The following TMEM187 variants were observed in gnomAD, a reference collection of about 807,000 sequenced individuals.
TMEM187 encodes chromosome X open reading frame 12.
In TMEM187, 14 loss-of-function variants were observed where a neutral mutation model predicts 11.8. That is an observed-to-expected ratio of 1.18 (90% CI 0.78 to 1.85). The LOEUF (loss-of-function observed/expected upper bound fraction) is 1.85, where lower values mean the gene tolerates loss of function less well. Ranked by LOEUF, TMEM187 falls within the 40% of genes most tolerant of loss-of-function variation. The pLI is 0.00. For missense variants in TMEM187, 227 were observed against 243.9 expected, an observed-to-expected ratio of 0.93 and a Z score of 0.46; for synonymous variants, 112 against 118.5, an observed-to-expected ratio of 0.95 and a Z score of 0.36.
chrX:153,981,900 T>C lies in TMEM187; in HGVS notation c.-163T>C. ...GGCGCCAGCCAATCAGCAGGACTCC[T>C]GCCTTCCTTCGGGGCAAGGTCGCAG... On this transcript the variant is annotated 5_prime_UTR_variant, in exon 2 of 2. Transcript: ENST00000369982. 1 of 952,730 alleles carries C rather than the reference T, an allele frequency of 1.0e-6. No homozygotes were observed. The highest frequency in any genetic ancestry group is 2.7e-5 in the Admixed American group (1 of 37,302). The allele number at this position is 952,730 out of a possible 1,213,427, so 78.5% of individuals were successfully genotyped here.
intron 1 of TMEM187, among the ~76,000 whole-genome samples, chrX:153,978,727 G>A (rs782514006): frequency 3.7e-5 from 4 of 107,082 alleles, no homozygotes; most frequent in African/African-American, 1.4e-4. Flanking sequence ...GGGATTATAG[G>A]CATGTGCCAC....
At chrX:153,973,648 T>C (rs1334939932) in intron 1 of TMEM187, among the ~76,000 whole-genome samples, 1 of 108,367 alleles carries the variant, frequency 9.2e-6, no homozygotes, top group Non-Finnish European at 1.9e-5. Flanking sequence ...GCGCCACTGC[T>C]CCAGCCTGGG....
intron 1 of TMEM187, among the ~76,000 whole-genome samples, chrX:153,977,981 G>A (rs2065583350): frequency 9.2e-6 from 1 of 109,219 alleles, no homozygotes; most frequent in African/African-American, 3.3e-5. Flanking sequence ...ACTTTGGGAG[G>A]CCGAAGCAGG....
Position 153,976,925 on chromosome X carries a change from C to T in TMEM187, c.-214+4065C>T, listed in dbSNP as rs782625617. ...TGGCAACATGGATGAGCCTAGAGGA[C>T]GTTATGTTAAGTGAAATAAGCCAGG... On this transcript the variant is annotated intron_variant, in intron 1 of 1. Coordinates refer to ENST00000369982, the MANE Select transcript of TMEM187 (RefSeq NM_003492.3). Among the ~76,000 whole-genome samples the T allele has an allele frequency of 2.7e-5, 3 of 112,189 alleles. No homozygotes were observed. The East Asian group carries it at 8.3e-4, about 31-fold the overall frequency.
In TMEM187 at chrX:153,981,008, A is replaced by G. The variant is rs782734323; in HGVS notation, c.-213-842A>G. 1.1e-4 allele frequency: 12 copies of G among 109,349 alleles called. No individual in the cohort carries two copies. The Admixed American group carries it at 1.2e-3, about 11-fold the overall frequency. The allele number at this position is 109,349 out of a possible 1,213,427, so 9.0% of individuals were successfully genotyped here. ...AGTAAGTGGGAGAGCCAAGGTTTGAACAGTCTGGCATCAGCTGACCAGGAA... is the reference window on the plus strand; with the variant it reads ...AGTAAGTGGGAGAGCCAAGGTTTGAGCAGTCTGGCATCAGCTGACCAGGAA... On this transcript the variant is annotated intron_variant, in intron 1 of 1. Transcript: ENST00000369982.
chrX:153,975,629 CT>C (rs58423366), intron 1 of TMEM187, among the ~76,000 whole-genome samples: 3 of 16,643 alleles, frequency 1.8e-4, no homozygotes, highest in African/African-American at 5.6e-4. Flanking sequence ...CACACCCAGC[CT>C]TTTTTTTTTT....
rs782144234 is a variant in TMEM187, at chrX:153,982,182, C to G, written c.120C>G (p.Tyr40Ter). Reference protein sequence around the residue: ...SVSVQVGYEHYAEAPVAGLPA... With the variant: ...SVSVQVGYEH ...CCGTGCAAGTGGGCTATGAGCACTACGCCGAGGCGCCCGTGGCCGGCCTCC... is the reference window on the plus strand; with the variant it reads ...CCGTGCAAGTGGGCTATGAGCACTAGGCCGAGGCGCCCGTGGCCGGCCTCC... The change falls in exon 2 of 2, where the codon TAC (tyrosine) becomes TAG (stop). Residue 40 changes from tyrosine to a stop codon, truncating the protein, a stop_gained. Transcript: ENST00000369982. LOFTEE classifies it high-confidence loss of function. The G allele has an allele frequency of 1.6e-6, 2 of 1,212,469 alleles. No individual in the cohort carries two copies. The highest frequency in any genetic ancestry group is 2.2e-6 in the Non-Finnish European group (2 of 895,677).
intron 1 of TMEM187, among the ~76,000 whole-genome samples, chrX:153,975,715 G>A (rs2065575345): frequency 1.0e-5 from 1 of 95,971 alleles, no homozygotes; most frequent in Admixed American, 1.2e-4. Context: ...TGTGATCTTG[G>A]CTCACTGCAA....
chrX:153,980,855 G>GT lies in TMEM187; in HGVS notation c.-213-993dup, dbSNP rs782812568. Among the ~76,000 whole-genome samples, 4 of 107,648 alleles carry GT rather than the reference G, an allele frequency of 3.7e-5. No homozygotes were observed. The East Asian group carries it at 1.2e-3, about 32-fold the overall frequency. The allele number at this position is 107,648 out of a possible 115,157, so 93.5% of individuals were successfully genotyped here. On this transcript the variant is annotated intron_variant, in intron 1 of 1. Coordinates refer to ENST00000369982, the MANE Select transcript of TMEM187 (RefSeq NM_003492.3). Reference sequence around the variant, plus strand: ...AATCACCTGAACCTGGGAGGCGGAGGTTGCAGTGAGCCAAGATTGTGCCAC... The same window carrying GT: ...AATCACCTGAACCTGGGAGGCGGAGGTTTGCAGTGAGCCAAGATTGTGCCAC...
chrX:153,973,530 C>T (rs2065563533), intron 1 of TMEM187, among the ~76,000 whole-genome samples: 1 of 111,757 alleles, frequency 8.9e-6, no homozygotes, highest in African/African-American at 3.3e-5. Context: ...GGCAACATAG[C>T]GAGACCCGGA....
chrX:153,978,168 G>A (rs957135185), intron 1 of TMEM187, among the ~76,000 whole-genome samples: 2 of 108,637 alleles, frequency 1.8e-5, no homozygotes, highest in Non-Finnish European at 3.8e-5. Context: ...CCGAGACCAC[G>A]CCACTGCACT....
chrX:153,979,497 GAT>G (rs2065590405), intron 1 of TMEM187, among the ~76,000 whole-genome samples: 1 of 110,136 alleles, frequency 9.1e-6, no homozygotes, highest in Admixed American at 9.7e-5. Context: ...TGGGATTACA[GAT>G]GTGAGCCACC....
chrX:153,974,388 CAG>C (rs1287598449), intron 1 of TMEM187, among the ~76,000 whole-genome samples: 1 of 112,305 alleles, frequency 8.9e-6, no homozygotes, highest in Non-Finnish European at 1.9e-5. Context: ...CAGCTGGAGT[CAG>C]GAGCTGAACG....
Position 153,982,101 on chromosome X carries a change from C to T in TMEM187, c.39C>T (p.Ala13=), listed in dbSNP as rs782772677. The change falls in exon 2 of 2, where the codon GCC becomes GCT. Residue 13 remains alanine, a synonymous_variant. Coordinates refer to ENST00000369982, the MANE Select transcript of TMEM187 (RefSeq NM_003492.3). ...PEWGQAFVHV[A]VAGGLCAVAV... is the part of the protein sequence containing the mutation. ...GGGGGCAGGCCTTCGTGCACGTGGCCGTGGCCGGTGGCCTCTGTGCCGTGG... is the reference window on the plus strand; with the variant it reads ...GGGGGCAGGCCTTCGTGCACGTGGCTGTGGCCGGTGGCCTCTGTGCCGTGG... 9.9e-6 allele frequency: 12 copies of T among 1,212,538 alleles called. No individual in the cohort carries two copies. The highest frequency in any genetic ancestry group is 2.2e-5 in the Admixed American group (1 of 46,165).
chrX:153,973,811 G>C (rs1297081350), intron 1 of TMEM187, among the ~76,000 whole-genome samples: 1 of 112,689 alleles, frequency 8.9e-6, no homozygotes, highest in Non-Finnish European at 1.9e-5. Flanking sequence ...CAGCAAGAAA[G>C]GTCATGCGGA....
chrX:153,980,928 A>C (rs2065598582), intron 1 of TMEM187, among the ~76,000 whole-genome samples: 1 of 107,576 alleles, frequency 9.3e-6, no homozygotes, highest in Non-Finnish European at 1.9e-5. Context: ...CAAAAAAAAA[A>C]AAAAAGGTGC....
intron 1 of TMEM187, among the ~76,000 whole-genome samples, chrX:153,978,986 C>G (rs1486400573): frequency 9.0e-6 from 1 of 111,547 alleles, no homozygotes; most frequent in Non-Finnish European, 1.9e-5. Context: ...CAGGGTTTCA[C>G]CATGTTGGCC....
Position 153,982,233 on chromosome X carries a change from C to T in TMEM187, c.171C>T (p.Asn57=), listed in dbSNP as rs782327340. ...CTGCCTTCCTGGCCATGCCGTTCAA[C>T]TCACTCGTGAACATGGCCTACACGC... The part of the protein sequence containing the change: ...GLPAFLAMPF[N]SLVNMAYTLL... Residue 57 remains asparagine (N), a synonymous_variant, in exon 2 of 2, where the codon AAC becomes AAT. Coordinates refer to ENST00000369982, the MANE Select transcript of TMEM187 (RefSeq NM_003492.3). The T allele has an allele frequency of 1.6e-6, 2 of 1,212,544 alleles. No homozygotes were observed. Among genetic ancestry groups the T allele is most frequent in the South Asian group, 3.5e-5 (2 of 57,081 alleles).
chrX:153,975,684 C>A (rs1290555630), intron 1 of TMEM187, among the ~76,000 whole-genome samples: 6 of 15 alleles, frequency 0.4, no homozygotes, highest in African/African-American at 0.5. Flanking sequence ...TGCTCTGTCG[C>A]CCCAGGCTGG....
Sources: allele counts gnomAD v4.1 joint callset (sites outside exome capture counted in the v4.1 genomes callset), GRCh38; gene constraint gnomAD v4.1.1; transcripts MANE v1.5; gene names NCBI Gene and HGNC (gene_info 2026-07-23, HGNC 2026-07-21).